Variants in GABRB1 observed in about 807,000 individuals in gnomAD.
GABRB1 encodes the protein gamma-aminobutyric acid receptor subunit beta-1.
Under a neutral mutation model 51.6 loss-of-function variants are expected in GABRB1, and 17 were observed. The ratio of observed to expected loss-of-function variants is 0.33; its 90% CI spans 0.23 to 0.49. The LOEUF (loss-of-function observed/expected upper bound fraction) is 0.49, where lower values mean the gene tolerates loss of function less well. GABRB1 is among the 20% of genes least tolerant of loss of function. GABRB1 has a pLI of 0.99. For synonymous variants in GABRB1, 247 were observed against 218.9 expected (o/e 1.13, Z -1.14); for missense variants, 410 against 600.6 (o/e 0.68, Z 3.32).
At chr4:47,174,912 C>T (rs13139632) in intron 4 of GABRB1, among the ~76,000 whole-genome samples, 1 of 129,584 alleles carries the variant, frequency 7.7e-6, no homozygotes, top group Non-Finnish European at 1.6e-5. Flanking sequence ...TTCCTTCTTT[C>T]CTTCCTTCCT....
At chr4:47,181,659 A>T (rs1419666049) in intron 4 of GABRB1, among the ~76,000 whole-genome samples, 1 of 152,096 alleles carries the variant, frequency 6.6e-6, no homozygotes, top group African/African-American at 2.4e-5. Flanking sequence ...AAATAATTGC[A>T]AAGCATTTAG....
chr4:47,407,985 G>C (rs1728633654), intron 8 of GABRB1, among the ~76,000 whole-genome samples: 1 of 152,168 alleles, frequency 6.6e-6, no homozygotes, highest in Non-Finnish European at 1.5e-5. Flanking sequence ...CCAGCTACTT[G>C]GGAGGCTGAG....
In GABRB1 at chr4:47,280,914, G is replaced by A. The variant is rs528737505; in HGVS notation, c.462-39213G>A. Among the ~76,000 whole-genome samples the A allele has an allele frequency of 5.3e-5, 8 of 149,668 alleles. No individual in the cohort carries two copies. The South Asian group carries it at 8.4e-4, about 16-fold the overall frequency. Reference sequence around the variant, plus strand: ...AGAAATTCTTCTGCCTTAGCCTCCCGAAGTGCTGGATTACAGGCATGAGCC... The same window carrying A: ...AGAAATTCTTCTGCCTTAGCCTCCCAAAGTGCTGGATTACAGGCATGAGCC... On this transcript the variant is annotated intron_variant, in intron 4 of 8. Transcript: ENST00000295454.
At chr4:47,373,695 T>G (rs533450974) in intron 5 of GABRB1, among the ~76,000 whole-genome samples, 3 of 152,332 alleles carry the variant, frequency 2.0e-5, no homozygotes. Context: ...TTTGTAAATT[T>G]AATGTTATCA....
intron 5 of GABRB1, among the ~76,000 whole-genome samples, chr4:47,377,301 T>C (rs1193420114): frequency 6.6e-5 from 10 of 152,122 alleles, no homozygotes; most frequent in Admixed American, 6.5e-4. Context: ...AATTGGTGGG[T>C]TCTTGGTCTC....
intron 3 of GABRB1, among the ~76,000 whole-genome samples, chr4:47,151,160 T>C (rs1717428816): frequency 6.6e-6 from 1 of 152,006 alleles, no homozygotes; most frequent in African/African-American, 2.4e-5. Context: ...ATGGGCCCAA[T>C]AGAGTCCTTA....
chr4:47,103,964 T>C (rs943943531), intron 3 of GABRB1, among the ~76,000 whole-genome samples: 3 of 151,794 alleles, frequency 2.0e-5, no homozygotes, highest in Non-Finnish European at 4.4e-5. Flanking sequence ...ATAAATTTCA[T>C]ATTTTCTTTT....
chr4:47,095,864 T>C (rs1714400233), intron 3 of GABRB1, among the ~76,000 whole-genome samples: 1 of 152,234 alleles, frequency 6.6e-6, no homozygotes. Context: ...TTACTGTATA[T>C]TAATTTAAAC....
chr4:46,997,129 A>G (rs1416720490), intron 1 of GABRB1, among the ~76,000 whole-genome samples: 1 of 152,132 alleles, frequency 6.6e-6, no homozygotes, highest in Non-Finnish European at 1.5e-5. Flanking sequence ...TTCCACTGAA[A>G]TATTACCTGT....
chr4:47,258,742 T>G (rs976363034), intron 4 of GABRB1, among the ~76,000 whole-genome samples: 2 of 152,174 alleles, frequency 1.3e-5, no homozygotes, highest in African/African-American at 4.8e-5. Context: ...GAAATCACTG[T>G]GATAATTGCA....
chr4:47,171,288 C>A, intron 4 of GABRB1, among the ~76,000 whole-genome samples: 1 of 148,342 alleles, frequency 6.7e-6, no homozygotes. Context: ...AAAGAAAAGA[C>A]TTAGATAAAG....
At chr4:47,111,336 CAG>C (rs1475228911) in intron 3 of GABRB1, among the ~76,000 whole-genome samples, 2 of 151,830 alleles carry the variant, frequency 1.3e-5, no homozygotes, top group Non-Finnish European at 2.9e-5. Flanking sequence ...AGGAATAAAA[CAG>C]AAATGTAAAT....
At chr4:47,344,842 C>T (rs749448382) in intron 5 of GABRB1, among the ~76,000 whole-genome samples, 15 of 152,158 alleles carry the variant, frequency 9.9e-5, no homozygotes, top group Admixed American at 3.3e-4. Flanking sequence ...CATGCCTCAG[C>T]CTCCCAAGTA....
chr4:47,016,809 C>A (rs915974496), intron 1 of GABRB1, among the ~76,000 whole-genome samples: 1 of 151,980 alleles, frequency 6.6e-6, no homozygotes, highest in African/African-American at 2.4e-5. Context: ...AGGCTGGTCT[C>A]CAACTCCTGA....
At position 47,032,418 on chromosome 4, in the gene GABRB1, GC is replaced by G; in HGVS notation, c.180del (p.Val61SerfsTer12). 1.3e-6 allele frequency: 2 copies of G among 1,584,418 alleles called. No homozygotes were observed. The highest frequency in any genetic ancestry group is 1.7e-4 in the Middle Eastern group (1 of 5,922). On this transcript the variant is annotated frameshift_variant and splice_region_variant, in exon 3 of 9. Transcript: ENST00000295454. LOFTEE classifies it high-confidence loss of function. ...TAATGTGGCCCACCTCCCCGGCAGGGCCCCCCGTCGACGTTGGGATGCGGAT... is the reference window on the plus strand; with the variant it reads ...TAATGTGGCCCACCTCCCCGGCAGGGCCCCCGTCGACGTTGGGATGCGGAT... ...DIRLRPDFGGPPVDVGMRIDV... is the reference protein window; with the variant it reads ...DIRLRPDFGGXPVDVGMRIDV...
At chr4:47,286,832 A>G (rs1320220271) in intron 4 of GABRB1, among the ~76,000 whole-genome samples, 1 of 152,222 alleles carries the variant, frequency 6.6e-6, no homozygotes, top group East Asian at 1.9e-4. Context: ...CACAAACAAG[A>G]ATGTTACTTA....
At chr4:47,259,964 T>C (rs1057209915) in intron 4 of GABRB1, among the ~76,000 whole-genome samples, 2 of 150,006 alleles carry the variant, frequency 1.3e-5, no homozygotes, top group Admixed American at 1.3e-4. Flanking sequence ...GGAGTCTAAG[T>C]CTCTTTGTAG....
At chr4:47,075,617 A>G (rs1011429638) in intron 3 of GABRB1, among the ~76,000 whole-genome samples, 1 of 152,234 alleles carries the variant, frequency 6.6e-6, no homozygotes, top group Non-Finnish European at 1.5e-5. Flanking sequence ...TTTAATGCCT[A>G]TTGCAGTAAC....
At chr4:47,346,884 G>C (rs1423442132) in intron 5 of GABRB1, among the ~76,000 whole-genome samples, 1 of 152,180 alleles carries the variant, frequency 6.6e-6, no homozygotes, top group Non-Finnish European at 1.5e-5. Flanking sequence ...TGTACCAGCA[G>C]CCTCATGCTC....
Sources: allele counts gnomAD v4.1 joint callset (sites outside exome capture counted in the v4.1 genomes callset), GRCh38; gene constraint gnomAD v4.1.1; transcripts MANE v1.5; gene names NCBI Gene and HGNC (gene_info 2026-07-23, HGNC 2026-07-21).